Variants in MEGF10 observed in about 807,000 individuals in gnomAD.
The protein encoded by MEGF10 is multiple EGF like domains 10, also known as multiple epidermal growth factor-like domains protein 10.
MEGF10 carries 86 observed loss-of-function variants against 147.5 expected under a neutral mutation model. The ratio of observed to expected loss-of-function variants is 0.58; its 90% CI spans 0.49 to 0.70. The LOEUF is 0.70. Among genes scored for constraint, MEGF10 ranks in the 30% least tolerant of loss-of-function variants. The pLI, the probability that MEGF10 is intolerant of heterozygous loss-of-function variation, is 0.00. For missense variants in MEGF10, 1,329 were observed against 1,487.3 expected, an observed-to-expected ratio of 0.89 and a Z score of 1.75; for synonymous variants, 478 against 525.5, an observed-to-expected ratio of 0.91 and a Z score of 1.24.
chr5:127,452,883 C>A (rs1338097862), intron 22 of MEGF10, among the ~76,000 whole-genome samples: 1 of 152,160 alleles, frequency 6.6e-6, no homozygotes, highest in East Asian at 1.9e-4. Flanking sequence ...GTGCCCTTCC[C>A]CCCAGCTATG....
chr5:127,396,631 C>A lies in MEGF10; in HGVS notation c.512C>A (p.Ala171Glu), dbSNP rs201824269. Residue 171 changes from alanine to glutamate, a missense_variant, in exon 6 of 25, where the codon GCG becomes GAG. Coordinates refer to ENST00000503335, the MANE Select transcript of MEGF10 (RefSeq NM_001256545.2). ...ATCACCGGGGCTTGCCACTGTGCTG[C>A]GGGCTTCCGGGGCTGGCGCTGCGAG... ...NPITGACHCA[A>E]GFRGWRCEDR... is the part of the protein sequence containing the mutation. 4 of 1,613,896 alleles carry A rather than the reference C, an allele frequency of 2.5e-6. No homozygotes were observed. In the South Asian group the frequency reaches 4.4e-5, roughly 18 times the overall value.
chr5:127,425,236 A>G (rs17164957), intron 13 of MEGF10, among the ~76,000 whole-genome samples: 18,080 of 152,182 alleles, frequency 0.12, 1,952 homozygotes, highest in African/African-American at 0.28. Flanking sequence ...ATCCCATCTG[A>G]CCTTAGACCT....
the MEGF10 span, among the ~76,000 whole-genome samples, chr5:127,243,791 G>C: frequency 6.6e-6 from 1 of 152,076 alleles, no homozygotes; most frequent in South Asian, 2.1e-4. Flanking sequence ...TTCACATTTT[G>C]GCTGTTCATG....
chr5:127,447,424 G>C, intron 20 of MEGF10, 133 bp from the exon 21 acceptor site: 1 of 1,140,680 alleles, frequency 8.8e-7, no homozygotes, highest in South Asian at 1.4e-5. Context: ...TCATCTGCCC[G>C]CCTTGGCCTC....
chr5:127,456,310 G>T (rs371115941), intron 24 of MEGF10, among the ~76,000 whole-genome samples: 1 of 152,126 alleles, frequency 6.6e-6, no homozygotes, highest in African/African-American at 2.4e-5. Context: ...AAATTAATAT[G>T]AATTCAATTT....
intron 13 of MEGF10, among the ~76,000 whole-genome samples, chr5:127,433,084 G>A (rs183375159): frequency 6.4e-4 from 97 of 152,310 alleles, no homozygotes; most frequent in African/African-American, 2.3e-3. Context: ...AATAGACAGA[G>A]CCCTTGGGCT....
At chr5:127,352,556 G>A (rs892691912) in intron 4 of MEGF10, among the ~76,000 whole-genome samples, 39 of 152,110 alleles carry the variant, frequency 2.6e-4, no homozygotes, top group African/African-American at 8.5e-4. Context: ...AGTTACTTGG[G>A]AGGCCGACAC....
At chr5:127,270,236 T>A in the MEGF10 span, among the ~76,000 whole-genome samples, 8 of 152,124 alleles carry the variant, frequency 5.3e-5, no homozygotes, top group Non-Finnish European at 1.2e-4. Context: ...ATAACAATAT[T>A]AACCTTAAAT....
Position 127,453,921 on chromosome 5 carries a change from G to A in MEGF10, c.2981-645G>A, listed in dbSNP as rs76107562. Among the ~76,000 whole-genome samples, 582 of 152,254 alleles carry A rather than the reference G, an allele frequency of 3.8e-3. 7 individuals carry two copies. Among genetic ancestry groups the A allele is most frequent in the African/African-American group, 0.013 (549 of 41,532 alleles). Reference sequence around the variant, plus strand: ...ATGCTCAATTTTTCCAGCATGAGCCGGAACACTCCTATTTCCCTCCCCACA... The same window carrying A: ...ATGCTCAATTTTTCCAGCATGAGCCAGAACACTCCTATTTCCCTCCCCACA... On this transcript the variant is annotated intron_variant, in intron 22 of 24. Transcript: ENST00000503335.
chr5:127,247,312 A>AAGAGAGAG, the MEGF10 span, among the ~76,000 whole-genome samples: 5 of 70,436 alleles, frequency 7.1e-5, no homozygotes, highest in Non-Finnish European at 1.2e-4. Flanking sequence ...GAGCGAGAGA[A>AAGAGAGAG]AGAGAGAGAA....
At chr5:127,409,548 C>G (rs1764472335) in intron 8 of MEGF10, 1 of 152,262 alleles carries the variant, frequency 6.6e-6, no homozygotes, top group Non-Finnish European at 1.5e-5. Flanking sequence ...TCGATTCCCT[C>G]TAGCAACTCA....
At chr5:127,371,847 C>T (rs892091046) in intron 5 of MEGF10, among the ~76,000 whole-genome samples, 43 of 152,154 alleles carry the variant, frequency 2.8e-4, no homozygotes, top group African/African-American at 1.0e-3. Context: ...TTACAACTCA[C>T]GTTTTGGCTT....
intron 4 of MEGF10, among the ~76,000 whole-genome samples, chr5:127,364,927 C>A (rs1002367963): frequency 4.6e-5 from 7 of 152,158 alleles, no homozygotes; most frequent in African/African-American, 9.7e-5. Flanking sequence ...CTATTTCTGT[C>A]TTTAATACCA....
the MEGF10 span, among the ~76,000 whole-genome samples, chr5:127,242,962 G>A: frequency 0.52 from 79,615 of 151,896 alleles, 21,038 homozygotes; most frequent in Middle Eastern, 0.68. Context: ...TCCCATGTAT[G>A]TTTATGGACT....
intron 1 of MEGF10, among the ~76,000 whole-genome samples, chr5:127,316,359 T>C (rs1207312733): frequency 6.6e-6 from 1 of 152,198 alleles, no homozygotes; most frequent in East Asian, 1.9e-4. Flanking sequence ...GGCTAATGAG[T>C]AGAAAGCCTT....
chr5:127,380,393 A>C (rs1438395100), intron 5 of MEGF10, among the ~76,000 whole-genome samples: 2 of 152,206 alleles, frequency 1.3e-5, no homozygotes, highest in African/African-American at 2.4e-5. Context: ...AAGGGACCAA[A>C]GGTTTTCGAC....
chr5:127,429,984 C>T (rs1305152081), intron 13 of MEGF10, among the ~76,000 whole-genome samples: 1 of 152,168 alleles, frequency 6.6e-6, no homozygotes, highest in Non-Finnish European at 1.5e-5. Context: ...CACCTGCTCT[C>T]CCCAGCCCCT....
Position 127,400,196 on chromosome 5 carries a change from G to A in MEGF10, c.780+1400G>A, listed in dbSNP as rs188405199. Among the ~76,000 whole-genome samples the A allele has an allele frequency of 2.0e-4, 30 of 152,308 alleles. No homozygotes were observed. In the East Asian group the frequency reaches 5.6e-3, roughly 28 times the overall value. On this transcript the variant is annotated intron_variant, in intron 7 of 24. Transcript: ENST00000503335. Reference sequence around the variant, plus strand: ...ATCAGATCTGAGAGGGTTAGAAATGGTGAGTAGCCCAGACAAAGTTCATTC... The same window carrying A: ...ATCAGATCTGAGAGGGTTAGAAATGATGAGTAGCCCAGACAAAGTTCATTC...
chr5:127,299,081 C>T (rs1055804328), intron 1 of MEGF10, among the ~76,000 whole-genome samples: 3 of 152,184 alleles, frequency 2.0e-5, no homozygotes, highest in African/African-American at 7.2e-5. Flanking sequence ...GCCAGTGGAT[C>T]TTTGGCCAAG....
Sources: allele counts gnomAD v4.1 joint callset (sites outside exome capture counted in the v4.1 genomes callset), GRCh38; gene constraint gnomAD v4.1.1; transcripts MANE v1.5; gene names NCBI Gene and HGNC (gene_info 2026-07-23, HGNC 2026-07-21).